The following CAST variants were observed in gnomAD, a reference collection of about 807,000 sequenced individuals.
The protein encoded by CAST is MIR583 host.
CAST carries 76 observed loss-of-function variants against 119.6 expected under a neutral mutation model. The ratio of observed to expected loss-of-function variants is 0.64; its 90% CI spans 0.53 to 0.77. The LOEUF is 0.77. Among genes scored for constraint, CAST ranks in the 30% least tolerant of loss-of-function variants. CAST has a pLI of 0.00. For missense variants in CAST, 953 were observed against 946.5 expected (o/e 1.01, Z -0.09); for synonymous variants, 319 against 331.6 (o/e 0.96, Z 0.41).
At chr5:96,636,292 GAC>G (rs1168965277) in intron 1 of CAST, among the ~76,000 whole-genome samples, 2 of 152,118 alleles carry the variant, frequency 1.3e-5, no homozygotes, top group African/African-American at 2.4e-5. Flanking sequence ...TTAAGCTCCT[GAC>G]ACATAGCAGC....
the CAST span, among the ~76,000 whole-genome samples, chr5:96,178,302 T>A: frequency 9.9e-5 from 15 of 152,192 alleles, no homozygotes; most frequent in Non-Finnish European, 1.9e-4. Flanking sequence ...TGGGAAAACA[T>A]AGACCTTCTG....
chr5:96,741,367 T>G lies in CAST; in HGVS notation c.1011+9T>G. ...AGAAAACTGAAAAAGAGGTATTGTT[T>G]TTAGTGTTGTTAAGGGAAACTTGTT... On this transcript the variant is annotated intron_variant, in intron 14 of 31. Coordinates refer to ENST00000675179, the MANE Select transcript of CAST (RefSeq NM_001750.7). The G allele has an allele frequency of 6.3e-7, 1 of 1,587,396 alleles. No individual in the cohort carries two copies. The highest frequency in any genetic ancestry group is 8.7e-7 in the Non-Finnish European group (1 of 1,155,954).
chr5:96,221,543 C>T, the CAST span, among the ~76,000 whole-genome samples: 4 of 151,930 alleles, frequency 2.6e-5, no homozygotes, highest in South Asian at 2.1e-4. Flanking sequence ...TAGGAATAAA[C>T]GTAACCAAGG....
At chr5:96,230,636 AT>A in the CAST span, among the ~76,000 whole-genome samples, 2 of 152,146 alleles carry the variant, frequency 1.3e-5, no homozygotes, top group Non-Finnish European at 2.9e-5. Context: ...TGAAAGTAGG[AT>A]TGTTAACTTG....
intron 3 of CAST, among the ~76,000 whole-genome samples, chr5:96,710,690 T>C (rs764286837): frequency 6.6e-6 from 1 of 152,206 alleles, no homozygotes; most frequent in Non-Finnish European, 1.5e-5. Flanking sequence ...TAAATAGTTA[T>C]GAATTCCTGC....
the CAST span, among the ~76,000 whole-genome samples, chr5:96,205,588 T>TAAA: frequency 6.6e-6 from 1 of 152,098 alleles, no homozygotes; most frequent in Non-Finnish European, 1.5e-5. Flanking sequence ...GTTACTGTGT[T>TAAA]AGTTCATTTA....
At chr5:96,654,046 A>T (rs1748126492) in intron 1 of CAST, among the ~76,000 whole-genome samples, 2 of 125,552 alleles carry the variant, frequency 1.6e-5, no homozygotes, top group African/African-American at 3.2e-5. Context: ...TTTTTTTGAG[A>T]CGGAGTCTCA....
the CAST span, among the ~76,000 whole-genome samples, chr5:96,022,187 C>T: frequency 3.3e-5 from 5 of 152,164 alleles, no homozygotes; most frequent in South Asian, 2.1e-4. Context: ...GTATCTTTGG[C>T]GGTCCTGGAA....
chr5:96,151,238 G>A, the CAST span, among the ~76,000 whole-genome samples: 149 of 152,302 alleles, frequency 9.8e-4, 1 homozygote, highest in Middle Eastern at 6.8e-3. Context: ...ATTCAAAGAG[G>A]CAGAGGAAGG....
chr5:96,397,555 T>C, the CAST span: 2 of 1,250,790 alleles, frequency 1.6e-6, no homozygotes, highest in Non-Finnish European at 2.3e-6. Context: ...AAATAAAAGC[T>C]GAAAAAGATG....
the CAST span, chr5:96,394,755 C>A: frequency 1.1e-6 from 1 of 921,116 alleles, no homozygotes; most frequent in Non-Finnish European, 1.8e-6. Flanking sequence ...TCTTATCCTC[C>A]CCATCCATGT....
the CAST span, among the ~76,000 whole-genome samples, chr5:96,412,752 GT>G: frequency 0.039 from 2,766 of 71,750 alleles, 24 homozygotes; most frequent in Middle Eastern, 0.087. Flanking sequence ...CAGCTGTGAT[GT>G]TTTTTTTTTT....
At chr5:96,611,781 A>G (rs1231493665) in intron 1 of CAST, among the ~76,000 whole-genome samples, 1 of 152,188 alleles carries the variant, frequency 6.6e-6, no homozygotes, top group Non-Finnish European at 1.5e-5. Flanking sequence ...AATTGGGCAT[A>G]GGATATGAAC....
chr5:96,533,933 C>G (rs1396065260), intron 1 of CAST, among the ~76,000 whole-genome samples: 1 of 152,116 alleles, frequency 6.6e-6, no homozygotes, highest in Non-Finnish European at 1.5e-5. Flanking sequence ...TATGGTTAGT[C>G]AAACTTAAAG....
chr5:96,375,245 T>C, the CAST span, among the ~76,000 whole-genome samples: 3 of 152,306 alleles, frequency 2.0e-5, no homozygotes, highest in East Asian at 5.8e-4. Flanking sequence ...TCTTCAAATA[T>C]GGAAGTTGTT....
At chr5:96,109,288 GC>G in the CAST span, among the ~76,000 whole-genome samples, 3 of 152,152 alleles carry the variant, frequency 2.0e-5, no homozygotes, top group Admixed American at 2.0e-4. Context: ...TTTTAAACAT[GC>G]TTGGCAAAAA....
intron 2 of CAST, among the ~76,000 whole-genome samples, chr5:96,678,363 T>C (rs1329611183): frequency 6.6e-6 from 1 of 152,218 alleles, no homozygotes; most frequent in Non-Finnish European, 1.5e-5. Context: ...ACCAGGGTCT[T>C]TGAAACAAAA....
chr5:96,634,485 G>A (rs72772054), intron 1 of CAST, among the ~76,000 whole-genome samples: 3,540 of 152,216 alleles, frequency 0.023, 50 homozygotes, highest in Non-Finnish European at 0.027. Flanking sequence ...AACTTCAGAT[G>A]AACTGATTCC....
the CAST span, among the ~76,000 whole-genome samples, chr5:96,077,415 A>T: frequency 3.3e-5 from 5 of 152,136 alleles, no homozygotes; most frequent in Admixed American, 1.3e-4. Flanking sequence ...CATTTCTTTG[A>T]TTATTAGGCA....
Sources: allele counts gnomAD v4.1 joint callset (sites outside exome capture counted in the v4.1 genomes callset), GRCh38; gene constraint gnomAD v4.1.1; transcripts MANE v1.5; gene names NCBI Gene and HGNC (gene_info 2026-07-23, HGNC 2026-07-21).